The following TMEFF2 variants were observed in gnomAD, a reference collection of about 807,000 sequenced individuals.
TMEFF2 encodes the protein tomoregulin-2.
In TMEFF2, 28 loss-of-function variants were observed where a neutral mutation model predicts 53.8. That is an observed-to-expected ratio of 0.52 (90% confidence interval 0.39 to 0.71). The LOEUF (loss-of-function observed/expected upper bound fraction) is 0.71. Among genes scored for constraint, TMEFF2 ranks in the 30% least tolerant of loss-of-function variants. TMEFF2 has a pLI of 0.00. For missense variants in TMEFF2, 353 were observed against 455.2 expected (o/e 0.78, Z 2.04); for synonymous variants, 162 against 166.3 (o/e 0.97, Z 0.20).
intron 5 of TMEFF2, among the ~76,000 whole-genome samples, chr2:192,055,774 C>CA (rs71405038): frequency 0.27 from 11,589 of 42,536 alleles, 2,109 homozygotes; most frequent in Non-Finnish European, 0.35. Flanking sequence ...GACTCCATCT[C>CA]AAAAAAAAAA....
intron 2 of TMEFF2, among the ~76,000 whole-genome samples, chr2:192,186,393 G>A (rs542292740): frequency 2.4e-4 from 36 of 152,288 alleles, no homozygotes; most frequent in Admixed American, 1.8e-3. Context: ...AAATAAATGT[G>A]GCTTGTGCTC....
At chr2:192,106,725 A>G (rs922519580) in intron 4 of TMEFF2, among the ~76,000 whole-genome samples, 2 of 151,870 alleles carry the variant, frequency 1.3e-5, no homozygotes, top group Non-Finnish European at 3.0e-5. Context: ...AGATGAATAT[A>G]TTGTCCTAGT....
At chr2:192,175,239 T>A (rs192864452) in intron 4 of TMEFF2, among the ~76,000 whole-genome samples, 93 of 151,748 alleles carry the variant, frequency 6.1e-4, no homozygotes, top group African/African-American at 1.3e-3. Flanking sequence ...AGGATTTTTT[T>A]AAAATTATCT....
At chr2:192,052,925 G>A (rs1687808666) in intron 5 of TMEFF2, among the ~76,000 whole-genome samples, 1 of 152,156 alleles carries the variant, frequency 6.6e-6, no homozygotes, top group Non-Finnish European at 1.5e-5. Context: ...TCTTTTGGAA[G>A]CTTAATCCTT....
intron 9 of TMEFF2, among the ~76,000 whole-genome samples, chr2:191,951,105 A>C (rs980707424): frequency 7.2e-5 from 11 of 152,098 alleles, no homozygotes; most frequent in African/African-American, 2.7e-4. Context: ...AATATATAAA[A>C]ATATATGAAT....
At chr2:192,083,118 C>A (rs1041018243) in intron 4 of TMEFF2, among the ~76,000 whole-genome samples, 1 of 151,696 alleles carries the variant, frequency 6.6e-6, no homozygotes, top group Non-Finnish European at 1.5e-5. Context: ...CATTTACAGG[C>A]CCTTAGGAAA....
At chr2:192,030,785 A>G (rs1574305148) in intron 5 of TMEFF2, 1 of 152,266 alleles carries the variant, frequency 6.6e-6, no homozygotes, top group East Asian at 1.9e-4. Context: ...GTGGAGATAA[A>G]TTTTTAGGAC....
At chr2:192,142,530 T>C (rs1690163190) in intron 4 of TMEFF2, among the ~76,000 whole-genome samples, 1 of 152,116 alleles carries the variant, frequency 6.6e-6, no homozygotes. Flanking sequence ...CATTATGGAA[T>C]TACGGAATCC....
At chr2:192,170,678 T>C (rs1039185701) in intron 4 of TMEFF2, among the ~76,000 whole-genome samples, 1 of 152,026 alleles carries the variant, frequency 6.6e-6, no homozygotes, top group African/African-American at 2.4e-5. Flanking sequence ...AGAATAGGTT[T>C]GTGGAAGCAC....
In TMEFF2 at chr2:191,949,815, A is replaced by G. The variant is rs370592667; in HGVS notation, c.*496T>C. The stretch of plus-strand genomic sequence containing the variant: ...CGGAAATATTTTATCCTCACTCGAT[A>G]TAAAGTAAATTATTTTTTCTCTTTT... On this transcript the variant is annotated 3_prime_UTR_variant, in exon 10 of 10. Transcript: ENST00000272771. The G allele has an allele frequency of 3.7e-5, 36 of 985,558 alleles. No homozygotes were observed. In the South Asian group the frequency reaches 1.4e-3, roughly 39 times the overall value. 61.1% of individuals were successfully genotyped at this position (985,558 alleles called of 1,614,324 possible). A position where few individuals can be genotyped will look rare whatever the true frequency, so the allele number is the denominator to read the frequency against.
At chr2:192,054,348 C>T (rs1435479957) in intron 5 of TMEFF2, among the ~76,000 whole-genome samples, 1 of 152,134 alleles carries the variant, frequency 6.6e-6, no homozygotes, top group Non-Finnish European at 1.5e-5. Context: ...TTTCCTGTTT[C>T]AGTTCTTGAC....
At chr2:192,045,980 A>C (rs1408604689) in intron 5 of TMEFF2, among the ~76,000 whole-genome samples, 1 of 152,230 alleles carries the variant, frequency 6.6e-6, no homozygotes, top group East Asian at 1.9e-4. Context: ...TAAGGAACTT[A>C]CTTCACTGCC....
chr2:192,160,181 A>G (rs1690600288), intron 4 of TMEFF2, among the ~76,000 whole-genome samples: 7 of 152,182 alleles, frequency 4.6e-5, no homozygotes, highest in Admixed American at 4.6e-4. Flanking sequence ...AAATTGAGAG[A>G]GTACTCAATA....
intron 7 of TMEFF2, among the ~76,000 whole-genome samples, chr2:191,983,830 T>C (rs1481299256): frequency 6.6e-6 from 1 of 152,212 alleles, no homozygotes; most frequent in Non-Finnish European, 1.5e-5. Context: ...TCATTTCAAG[T>C]TTTTAGAGAC....
intron 5 of TMEFF2, among the ~76,000 whole-genome samples, chr2:191,999,580 C>T (rs1000172660): frequency 1.3e-5 from 2 of 151,944 alleles, no homozygotes; most frequent in Non-Finnish European, 2.9e-5. Flanking sequence ...CTTACTCTTC[C>T]TTCTTTTCTT....
intron 5 of TMEFF2, among the ~76,000 whole-genome samples, chr2:192,055,606 C>T (rs1406287943): frequency 6.6e-6 from 1 of 151,742 alleles, no homozygotes; most frequent in African/African-American, 2.4e-5. Flanking sequence ...GAAACCCCAT[C>T]TCTACTAAAA....
At chr2:192,098,214 G>A (rs2105941718) in intron 4 of TMEFF2, among the ~76,000 whole-genome samples, 1 of 152,234 alleles carries the variant, frequency 6.6e-6, no homozygotes, top group East Asian at 1.9e-4. Context: ...GTGAGTGCCA[G>A]GTAACATTCT....
At chr2:191,993,835 A>G (rs1300458284) in intron 7 of TMEFF2, among the ~76,000 whole-genome samples, 1 of 152,102 alleles carries the variant, frequency 6.6e-6, no homozygotes, top group African/African-American at 2.4e-5. Flanking sequence ...GTATTTTGTA[A>G]AAATCATTGT....
chr2:191,999,124 T>C lies in TMEFF2; in HGVS notation c.621A>G (p.Gln207=), dbSNP rs765238384. 1 of 1,612,470 alleles carries C rather than the reference T, an allele frequency of 6.2e-7. No individual in the cohort carries two copies. The highest frequency in any genetic ancestry group is 1.7e-4 in the Middle Eastern group (1 of 6,054). ...GTTTCTGACACGATGCTTCTTTGATTTGGCATGCATTATCATAAGATTTCC... is the reference window on the plus strand; with the variant it reads ...GTTTCTGACACGATGCTTCTTTGATCTGGCATGCATTATCATAAGATTTCC... ...SDGKSYDNAC[Q]IKEASCQKQE... Residue 207 remains glutamine (Q), a synonymous_variant, in exon 6 of 10, where the codon CAA becomes CAG. Transcript: ENST00000272771.
Sources: allele counts gnomAD v4.1 joint callset (sites outside exome capture counted in the v4.1 genomes callset), GRCh38; gene constraint gnomAD v4.1.1; transcripts MANE v1.5; gene names NCBI Gene and HGNC (gene_info 2026-07-23, HGNC 2026-07-21).